The following KCNK6 variants were observed in gnomAD, a reference collection of about 807,000 sequenced individuals.
KCNK6 encodes the protein potassium two pore domain channel subfamily K member 6.
KCNK6 carries 20 observed loss-of-function variants against 21.9 expected under a neutral mutation model. The observed-to-expected ratio is 0.91, with a 90% CI of 0.64 to 1.32. KCNK6 has a LOEUF of 1.32. Among genes scored for constraint, KCNK6 ranks in the 40% most tolerant of loss-of-function variants. The pLI is 0.00. For synonymous variants in KCNK6, 210 were observed against 218.0 expected (o/e 0.96, Z 0.32); for missense variants, 415 against 433.1 (o/e 0.96, Z 0.37).
intron 2 of KCNK6, 59 bp from the exon 3 acceptor site, chr19:38,327,121 G>A (rs778505829): frequency 1.4e-5 from 23 of 1,590,590 alleles, no homozygotes; most frequent in East Asian, 2.2e-5. Context: ...GTAGAACTGC[G>A]GCCCCGCCTG....
rs747432115 is a variant in KCNK6 at position 38,327,330 on chromosome 19, T to G, written c.869T>G (p.Leu290Arg). ...GATGAGGACGATCGGGTGGACATCC[T>G]GGGCCCCCAGCCGGAGTCGCACCAG... is the stretch of plus-strand genomic sequence containing the variant. ...NADEDDRVDI[L>R]GPQPESHQQL... Residue 290 changes from leucine (L) to arginine (R), a missense_variant, in exon 3 of 3, where the codon CTG becomes CGG. Leu to Arg is a moderately radical substitution (Grantham distance 102). Transcript: ENST00000263372. 3.1e-6 allele frequency: 5 copies of G among 1,613,206 alleles called. No individual in the cohort carries two copies. The highest frequency in any genetic ancestry group is 1.7e-5 in the Admixed American group (1 of 60,016).
chr19:38,320,355 C>T, intron 1 of KCNK6, 83 bp downstream of exon 1: 1 of 1,418,884 alleles, frequency 7.0e-7, no homozygotes, highest in South Asian at 1.2e-5. Context: ...GGGGCCCTCA[C>T]GAATACCCTT....
At chr19:38,325,073 G>A (rs1969693401) in intron 1 of KCNK6, 2 of 150,976 alleles carry the variant, frequency 1.3e-5, no homozygotes, top group African/African-American at 4.9e-5. Context: ...TGTGGGAGAT[G>A]GAGTTATTGC....
Position 38,325,512 on chromosome 19 carries a change from G to A in KCNK6, c.323-1081G>A, listed in dbSNP as rs1038501387. 8.1e-6 allele frequency: 8 copies of A among 985,328 alleles called. No homozygotes were observed. The East Asian group carries it at 3.4e-4, about 42-fold the overall frequency. The allele number at this position is 985,328 out of a possible 1,614,324, so 61.0% of individuals were successfully genotyped here. ...TTGTTTTGAGAAGTACTGATCGAGCGCCCACAGCAGTGATGAAACACGCAG... is the reference window on the plus strand; with the variant it reads ...TTGTTTTGAGAAGTACTGATCGAGCACCCACAGCAGTGATGAAACACGCAG... On this transcript the variant is annotated intron_variant, in intron 1 of 2. Coordinates refer to ENST00000263372, the MANE Select transcript of KCNK6 (RefSeq NM_004823.3).
Position 38,319,870 on chromosome 19 carries a change from T to G in KCNK6, c.-81T>G. ...GCCGCGCCTGTAGCACTCCCGGAACTGGAACTAGGTGCCAGACGGTCCGGA... is the reference window on the plus strand; with the variant it reads ...GCCGCGCCTGTAGCACTCCCGGAACGGGAACTAGGTGCCAGACGGTCCGGA... On this transcript the variant is annotated 5_prime_UTR_variant, in exon 1 of 3. Coordinates refer to ENST00000263372, the MANE Select transcript of KCNK6 (RefSeq NM_004823.3). 1 of 1,287,256 alleles carries G rather than the reference T, an allele frequency of 7.8e-7. No individual in the cohort carries two copies. The highest frequency in any genetic ancestry group is 1.0e-6 in the Non-Finnish European group (1 of 1,004,928). 79.7% of individuals were successfully genotyped at this position (1,287,256 alleles called of 1,614,324 possible). A position where few individuals can be genotyped will look rare whatever the true frequency, so the allele number is the denominator to read the frequency against.
At chr19:38,323,125 CA>C (rs932867333) in intron 1 of KCNK6, among the ~76,000 whole-genome samples, 1 of 152,090 alleles carries the variant, frequency 6.6e-6, no homozygotes, top group African/African-American at 2.4e-5. Context: ...AACAAACAAA[CA>C]AAAAAGAGTG....
At position 38,330,276 on chromosome 19, in the gene KCNK6, C is replaced by T. The variant is rs867718927; in HGVS notation, c.*2873C>T. 2.0e-5 allele frequency: 3 copies of T among 147,734 alleles called. No individual in the cohort carries two copies. The highest frequency in any genetic ancestry group is 5.0e-5 in the African/African-American group (2 of 39,850). The allele number at this position is 147,734 out of a possible 1,614,324, so 9.2% of individuals were successfully genotyped here. A position where few individuals can be genotyped will look rare whatever the true frequency, so the allele number is the denominator to read the frequency against. On this transcript the variant is annotated 3_prime_UTR_variant, in exon 3 of 3. Coordinates refer to ENST00000263372, the MANE Select transcript of KCNK6 (RefSeq NM_004823.3). ...CTGGGAGGTGGCGGCTGCAGTGGGC[C>T]GAGATCACACCACTGTACTCCAGCC...
intron 1 of KCNK6, chr19:38,325,589 A>G (rs1969699158): frequency 1.0e-6 from 1 of 963,422 alleles, no homozygotes; most frequent in Admixed American, 6.2e-5. Context: ...TAAACCATAG[A>G]GCATGCTAGA....
intron 1 of KCNK6, among the ~76,000 whole-genome samples, chr19:38,322,290 T>A (rs572524273): frequency 6.6e-6 from 1 of 152,300 alleles, no homozygotes; most frequent in East Asian, 1.9e-4. Flanking sequence ...CTAACACTTG[T>A]TAAAAATGGA....
chr19:38,320,259 G>A lies in KCNK6; in HGVS notation c.309G>A (p.Leu103=), dbSNP rs1215193238. ...CTGCTCTCTTCTTCGCCAGCACGCT[G>A]ATCACCACCGTGGGTACGTAAGCGC... is the stretch of plus-strand genomic sequence containing the variant. ...FASALFFAST[L]ITTVGYGYTT... The change falls in exon 1 of 3, where the codon CTG becomes CTA. Residue 103 remains leucine, a synonymous_variant. Coordinates refer to ENST00000263372, the MANE Select transcript of KCNK6 (RefSeq NM_004823.3). The A allele has an allele frequency of 1.2e-6, 2 of 1,606,254 alleles. No homozygotes were observed. The highest frequency in any genetic ancestry group is 2.2e-5 in the East Asian group (1 of 44,732).
At position 38,326,693 on chromosome 19, in the gene KCNK6, A is replaced by G; in HGVS notation, c.423A>G (p.Ser141=). The G allele has an allele frequency of 6.2e-7, 1 of 1,606,222 alleles. No homozygotes were observed. The highest frequency in any genetic ancestry group is 8.5e-7 in the Non-Finnish European group (1 of 1,179,974). The stretch of plus-strand genomic sequence containing the variant: ...CCACCATGCTGCTGCTGACCGCCTC[A>G]GCCCAGCGCCTGTCACTGCTGCTGA... The part of the protein sequence containing the change: ...VPTTMLLLTA[S]AQRLSLLLTH... Residue 141 remains serine (S), a synonymous_variant, in exon 2 of 3, where the codon TCA becomes TCG. Coordinates refer to ENST00000263372, the MANE Select transcript of KCNK6 (RefSeq NM_004823.3).
Position 38,326,910 on chromosome 19 carries a change from A to G in KCNK6, c.640A>G (p.Thr214Ala). 6.2e-7 allele frequency: 1 copy of G among 1,611,076 alleles called. No homozygotes were observed. The highest frequency in any genetic ancestry group is 8.5e-7 in the Non-Finnish European group (1 of 1,179,968). Residue 214 changes from threonine to alanine, a missense_variant, in exon 2 of 3, where the codon ACC becomes GCC. Transcript: ENST00000263372. ...CTACTTCTGCTTTATCTCTCTGTCC[A>G]CCATCGGCCTGGGCGACTACGTGCC... ...AFYFCFISLS[T>A]IGLGDYVPGE...
Position 38,327,523 on chromosome 19 carries a change from C to A in KCNK6, c.*120C>A. 2.3e-6 allele frequency: 2 copies of A among 865,874 alleles called. No homozygotes were observed. Among genetic ancestry groups the A allele is most frequent in the South Asian group, 1.7e-5 (1 of 59,846 alleles). The allele number at this position is 865,874 out of a possible 1,614,324, so 53.6% of individuals were successfully genotyped here. A position where few individuals can be genotyped will look rare whatever the true frequency, so the allele number is the denominator to read the frequency against. ...GCAGGTGATCTTGAGGCCTTGCCGT[C>A]CACCGTCTCTCCTTTGTTTCCCAGC... is the stretch of plus-strand genomic sequence containing the variant. On this transcript the variant is annotated 3_prime_UTR_variant, in exon 3 of 3. Transcript: ENST00000263372.
chr19:38,325,629 G>A (rs2145041677), intron 1 of KCNK6: 2 of 783,832 alleles, frequency 2.6e-6, no homozygotes, highest in South Asian at 1.2e-4. Context: ...AAAAAAAAGT[G>A]TTGGGTAAGA....
intron 1 of KCNK6, 58 bp downstream of exon 1, chr19:38,320,330 A>C: frequency 2.6e-6 from 4 of 1,558,998 alleles, no homozygotes; most frequent in Non-Finnish European, 2.6e-6. Context: ...TTCATCCTTA[A>C]CCCCTGGGGA....
intron 1 of KCNK6, among the ~76,000 whole-genome samples, chr19:38,323,766 A>T (rs1443669115): frequency 2.6e-5 from 4 of 151,862 alleles, no homozygotes; most frequent in African/African-American, 9.7e-5. Context: ...TTTATTTTTT[A>T]TTTTTTGTAG....
At position 38,326,773 on chromosome 19, in the gene KCNK6, C is replaced by A; in HGVS notation, c.503C>A (p.Ala168Glu). The change falls in exon 2 of 3, where the codon GCG becomes GAG. Residue 168 changes from alanine (A) to glutamate (E), a missense_variant. Transcript: ENST00000263372. ...CGTTGGGGCTGGGACCCCCGGCGGG[C>A]GGCCTGCTGGCACTTGGTGGCCCTG... is the stretch of plus-strand genomic sequence containing the variant. ...SMRWGWDPRR[A>E]ACWHLVALLG... The A allele has an allele frequency of 6.2e-7, 1 of 1,604,524 alleles. No homozygotes were observed. The highest frequency in any genetic ancestry group is 1.1e-5 in the South Asian group (1 of 91,080).
At chr19:38,321,328 A>T (rs1019117267) in intron 1 of KCNK6, among the ~76,000 whole-genome samples, 3 of 152,140 alleles carry the variant, frequency 2.0e-5, no homozygotes, top group Admixed American at 6.5e-5. Context: ...CTGACCCCAG[A>T]CACAAAACCC....
In KCNK6 at chr19:38,320,227, T is replaced by G. The variant is rs1969634435; in HGVS notation, c.277T>G (p.Phe93Val). 18 of 1,605,178 alleles carry G rather than the reference T, an allele frequency of 1.1e-5. No homozygotes were observed. The highest frequency in any genetic ancestry group is 1.4e-5 in the Non-Finnish European group (16 of 1,179,794). ...SANASDPAWD[F>V]ASALFFASTL... ...CAACGCCTCGGACCCCGCCTGGGAC[T>G]TCGCCTCTGCTCTCTTCTTCGCCAG... The change falls in exon 1 of 3, where the codon TTC becomes GTC. Residue 93 changes from phenylalanine to valine, a missense_variant. Transcript: ENST00000263372.
Sources: gnomAD v4.1 joint callset for allele counts (sites outside exome capture counted in the v4.1 genomes callset) on GRCh38, gnomAD v4.1.1 for gene constraint, MANE v1.5 for transcripts, NCBI Gene and HGNC (gene_info 2026-07-23, HGNC 2026-07-21) for gene names.